Variants in CCSER1 observed in about 807,000 individuals in gnomAD.
CCSER1 encodes coiled-coil serine rich protein 1.
Under a neutral mutation model 82.0 loss-of-function variants are expected in CCSER1, and 41 were observed. The observed-to-expected ratio is 0.50, with a 90% CI of 0.39 to 0.65. The LOEUF is 0.65. CCSER1 is among the 30% of genes least tolerant of loss of function. The pLI, the probability that CCSER1 is intolerant of heterozygous loss-of-function variation, is 0.00. For synonymous variants in CCSER1, 414 were observed against 383.9 expected (o/e 1.08, Z -0.92); for missense variants, 1,119 against 1,064.2 (o/e 1.05, Z -0.72).
intron 8 of CCSER1, among the ~76,000 whole-genome samples, chr4:90,849,165 C>T (rs1434012744): frequency 1.3e-5 from 2 of 152,226 alleles, no homozygotes; most frequent in Non-Finnish European, 2.9e-5. Flanking sequence ...TTGGAGGGCT[C>T]AGAAGACAAG....
chr4:91,170,965 G>T (rs1732685190), intron 10 of CCSER1, among the ~76,000 whole-genome samples: 1 of 152,188 alleles, frequency 6.6e-6, no homozygotes, highest in Non-Finnish European at 1.5e-5. Context: ...ATGAGAAGCT[G>T]CTGGCCACAT....
At chr4:90,879,147 T>C (rs1720820208) in intron 8 of CCSER1, among the ~76,000 whole-genome samples, 1 of 152,216 alleles carries the variant, frequency 6.6e-6, no homozygotes, top group African/African-American at 2.4e-5. Flanking sequence ...GACTGTCTTA[T>C]TTCAGTTAAC....
At chr4:90,233,203 G>C (rs990048283) in intron 1 of CCSER1, among the ~76,000 whole-genome samples, 1 of 152,172 alleles carries the variant, frequency 6.6e-6, no homozygotes, top group African/African-American at 2.4e-5. Flanking sequence ...ATTCACAATA[G>C]CAAAGACTTG....
At chr4:91,153,915 C>T (rs530010900) in intron 10 of CCSER1, among the ~76,000 whole-genome samples, 1 of 152,058 alleles carries the variant, frequency 6.6e-6, no homozygotes, top group Non-Finnish European at 1.5e-5. Context: ...TGTCAGTCGG[C>T]CCCTACTGGG....
intron 10 of CCSER1, among the ~76,000 whole-genome samples, chr4:91,456,664 A>G (rs1181715330): frequency 6.6e-6 from 1 of 152,078 alleles, no homozygotes; most frequent in Non-Finnish European, 1.5e-5. Flanking sequence ...ACTTATTCCA[A>G]GTCAAACAAT....
chr4:90,517,713 G>C (rs1271666801), intron 5 of CCSER1, among the ~76,000 whole-genome samples: 2 of 152,112 alleles, frequency 1.3e-5, no homozygotes, highest in African/African-American at 4.8e-5. Flanking sequence ...ACTAAACCTT[G>C]TAAAACTTAC....
intron 3 of CCSER1, among the ~76,000 whole-genome samples, chr4:90,370,879 G>A (rs998810792): frequency 6.6e-6 from 1 of 151,862 alleles, no homozygotes; most frequent in African/African-American, 2.4e-5. Flanking sequence ...ACAGAAGGTG[G>A]AATATTTAAC....
At chr4:90,726,962 T>G (rs563596301) in intron 7 of CCSER1, among the ~76,000 whole-genome samples, 2 of 152,286 alleles carry the variant, frequency 1.3e-5, no homozygotes, top group East Asian at 3.9e-4. Flanking sequence ...TGAATGCATT[T>G]GACTGTATTC....
rs1032169348 is a variant in CCSER1 at position 91,602,351 on chromosome 4, C to A, written c.*3294C>A. Among the ~76,000 whole-genome samples, 8 of 151,788 alleles carry A rather than the reference C, an allele frequency of 5.3e-5. No individual in the cohort carries two copies. The highest frequency in any genetic ancestry group is 1.9e-4 in the African/African-American group (8 of 41,394). Reference sequence around the variant, plus strand: ...TGTCTTGTTTAATAGAGATAATAACCATACACCCCTCTCCAGAAAAAAGTT... The same window carrying A: ...TGTCTTGTTTAATAGAGATAATAACAATACACCCCTCTCCAGAAAAAAGTT... On this transcript the variant is annotated 3_prime_UTR_variant, in exon 11 of 11. Coordinates refer to ENST00000509176, the MANE Select transcript of CCSER1 (RefSeq NM_001145065.2).
At chr4:91,187,924 A>G (rs1734698163) in intron 10 of CCSER1, among the ~76,000 whole-genome samples, 1 of 152,120 alleles carries the variant, frequency 6.6e-6, no homozygotes. Context: ...ATTTTATGTA[A>G]TAGATGTTTT....
chr4:91,372,310 A>G (rs1160789175), intron 10 of CCSER1, among the ~76,000 whole-genome samples: 1 of 152,126 alleles, frequency 6.6e-6, no homozygotes, highest in Non-Finnish European at 1.5e-5. Context: ...AAGTTTAACC[A>G]TACATAGGAT....
chr4:90,520,713 T>TA (rs1425931445), intron 5 of CCSER1, among the ~76,000 whole-genome samples: 1 of 152,128 alleles, frequency 6.6e-6, no homozygotes. Context: ...TACTATGTCT[T>TA]AAAAAAACAA....
intron 5 of CCSER1, among the ~76,000 whole-genome samples, chr4:90,581,200 C>T (rs1405496833): frequency 1.3e-5 from 2 of 151,852 alleles, no homozygotes; most frequent in Admixed American, 6.6e-5. Flanking sequence ...CTCAAAATTA[C>T]CCCATTAGCA....
intron 5 of CCSER1, among the ~76,000 whole-genome samples, chr4:90,521,915 A>G (rs1773186607): frequency 6.6e-6 from 1 of 152,188 alleles, no homozygotes; most frequent in Non-Finnish European, 1.5e-5. Context: ...TCAGAATGCC[A>G]GGCCAAACTG....
intron 6 of CCSER1, among the ~76,000 whole-genome samples, chr4:90,692,543 G>A (rs962348024): frequency 1.3e-5 from 2 of 151,910 alleles, no homozygotes; most frequent in African/African-American, 4.8e-5. Context: ...ACACTTGACC[G>A]AAAGGCAATA....
intron 7 of CCSER1, among the ~76,000 whole-genome samples, chr4:90,751,137 C>T (rs1748577826): frequency 1.3e-5 from 2 of 151,990 alleles, no homozygotes; most frequent in Admixed American, 6.6e-5. Context: ...TCTCCTTCAG[C>T]CAAATATAAA....
chr4:91,431,870 G>GT lies in CCSER1; in HGVS notation c.2218-166692dup, dbSNP rs796564694. 6.3e-4 allele frequency among the ~76,000 whole-genome samples: 95 copies of GT among 149,650 alleles called. 2 individuals carry two copies. The highest frequency in any genetic ancestry group is 2.4e-3 in the East Asian group (12 of 5,100). ...TAGATTTTTCTAAATTAGTTCACAG[G>GT]TTTTTTTTTTCTTTATTGTTGGTTC... On this transcript the variant is annotated intron_variant, in intron 10 of 10. Transcript: ENST00000509176.
intron 5 of CCSER1, among the ~76,000 whole-genome samples, chr4:90,606,312 AGAT>A (rs1163870601): frequency 2.0e-5 from 3 of 152,212 alleles, no homozygotes; most frequent in Non-Finnish European, 2.9e-5. Context: ...ACACAAACCT[AGAT>A]GATATAGACT....
intron 6 of CCSER1, among the ~76,000 whole-genome samples, chr4:90,723,506 A>G (rs1561017985): frequency 6.6e-6 from 1 of 151,926 alleles, no homozygotes; most frequent in African/African-American, 2.4e-5. Context: ...TTAAATCTTT[A>G]TAGAAGAAAA....
Sources: allele counts gnomAD v4.1 joint callset (sites outside exome capture counted in the v4.1 genomes callset), GRCh38; gene constraint gnomAD v4.1.1; transcripts MANE v1.5; gene names NCBI Gene and HGNC (gene_info 2026-07-23, HGNC 2026-07-21).